Variants in DDX10 observed in about 807,000 individuals in gnomAD.
DDX10 encodes the protein DEAD-box helicase 10.
Under a neutral mutation model 104.3 loss-of-function variants are expected in DDX10, and 74 were observed. That is an observed-to-expected ratio of 0.71 (90% CI 0.59 to 0.86). The LOEUF (loss-of-function observed/expected upper bound fraction) is 0.86. DDX10 is among the 40% of genes least tolerant of loss of function. The pLI is 0.00. For synonymous variants in DDX10, 351 were observed against 353.4 expected, an observed-to-expected ratio of 0.99 and a Z score of 0.08; for missense variants, 952 against 1,040.0, an observed-to-expected ratio of 0.92 and a Z score of 1.16.
chr11:108,769,623 A>G (rs1565272867), intron 13 of DDX10, among the ~76,000 whole-genome samples: 1 of 151,964 alleles, frequency 6.6e-6, no homozygotes, highest in African/African-American at 2.4e-5. Flanking sequence ...GGTTGTTTCC[A>G]TTTTTTTGTA....
At chr11:108,823,397 T>C (rs1188893970) in intron 13 of DDX10, among the ~76,000 whole-genome samples, 2 of 152,200 alleles carry the variant, frequency 1.3e-5, no homozygotes, top group South Asian at 2.1e-4. Flanking sequence ...ATACAGCCCA[T>C]GTATGTATTG....
At chr11:108,823,983 T>C (rs1311154330) in intron 13 of DDX10, among the ~76,000 whole-genome samples, 3 of 152,138 alleles carry the variant, frequency 2.0e-5, no homozygotes, top group African/African-American at 4.8e-5. Flanking sequence ...ATCGCTGAGA[T>C]ACTCCCCTAA....
At chr11:108,869,031 T>C (rs1449472543) in intron 16 of DDX10, among the ~76,000 whole-genome samples, 9 of 150,342 alleles carry the variant, frequency 6.0e-5, no homozygotes, top group African/African-American at 2.2e-4. Context: ...TAAACTCTCC[T>C]TTTTGAAAGT....
intron 16 of DDX10, among the ~76,000 whole-genome samples, chr11:108,911,618 C>G (rs1015770325): frequency 8.0e-6 from 1 of 124,616 alleles, no homozygotes; most frequent in Non-Finnish European, 1.6e-5. Context: ...CACCCACTGG[C>G]GTGCAGTGGC....
rs1467119987 is a variant in DDX10, at chr11:108,813,064, A to C, written c.1966-25382A>C. ...TAAATTGGTACAGAATTCATGATGC[A>C]TGTTTTTGAAAACAGAAACAAATAC... On this transcript the variant is annotated intron_variant, in intron 13 of 17. Coordinates refer to ENST00000322536, the MANE Select transcript of DDX10 (RefSeq NM_004398.4). Among the ~76,000 whole-genome samples, 4 of 151,970 alleles carry C rather than the reference A, an allele frequency of 2.6e-5. 1 individual carries two copies. The South Asian group carries it at 8.3e-4, about 32-fold the overall frequency.
intron 13 of DDX10, among the ~76,000 whole-genome samples, chr11:108,783,736 A>G (rs754096176): frequency 1.4e-4 from 21 of 152,240 alleles, no homozygotes; most frequent in South Asian, 1.0e-3. Context: ...ACATGGCTGT[A>G]TTGCATGTCT....
intron 9 of DDX10, among the ~76,000 whole-genome samples, chr11:108,698,230 G>A (rs1001430958): frequency 6.6e-6 from 1 of 152,202 alleles, no homozygotes; most frequent in South Asian, 2.1e-4. Flanking sequence ...TTTTTTAATA[G>A]TGTCTTTAAT....
At position 108,703,129 on chromosome 11, in the gene DDX10, G is replaced by A. The variant is rs58264538; in HGVS notation, c.1224-3610G>A. Among the ~76,000 whole-genome samples, 466 of 152,166 alleles carry A rather than the reference G, an allele frequency of 3.1e-3. 21 individuals are homozygous for A. The East Asian group carries it at 0.077, about 25-fold the overall frequency. ...TTCTTGAAAAATGCTGAGAGTGGATGTTAAATGTTCTCACCACAAAAATGA... is the reference window on the plus strand; with the variant it reads ...TTCTTGAAAAATGCTGAGAGTGGATATTAAATGTTCTCACCACAAAAATGA... On this transcript the variant is annotated intron_variant, in intron 9 of 17. Coordinates refer to ENST00000322536, the MANE Select transcript of DDX10 (RefSeq NM_004398.4).
At chr11:108,719,685 C>T (rs776722586) in intron 11 of DDX10, 112 bp from the exon 12 acceptor site, 42 of 601,548 alleles carry the variant, frequency 7.0e-5, no homozygotes, top group Middle Eastern at 8.2e-4. Flanking sequence ...TGAACTATTT[C>T]GTGGTTTTTC....
chr11:108,863,173 T>C (rs1862962659), intron 16 of DDX10, among the ~76,000 whole-genome samples: 1 of 152,232 alleles, frequency 6.6e-6, no homozygotes, highest in Non-Finnish European at 1.5e-5. Flanking sequence ...GTACCTGGAC[T>C]GTGTCTGGTC....
intron 16 of DDX10, among the ~76,000 whole-genome samples, chr11:108,900,756 C>G (rs1377389230): frequency 6.6e-6 from 1 of 152,086 alleles, no homozygotes; most frequent in Non-Finnish European, 1.5e-5. Context: ...GGAATTGTAC[C>G]TGGTTGGGAG....
At chr11:108,714,905 T>G (rs1455283739) in intron 10 of DDX10, among the ~76,000 whole-genome samples, 7 of 151,800 alleles carry the variant, frequency 4.6e-5, no homozygotes, top group African/African-American at 1.4e-4. Flanking sequence ...TAACTTTTCT[T>G]TTGTATATTT....
chr11:108,706,338 C>T (rs1032751858), intron 9 of DDX10, among the ~76,000 whole-genome samples: 5 of 151,142 alleles, frequency 3.3e-5, no homozygotes, highest in African/African-American at 4.8e-5. Context: ...AATAAAATCC[C>T]CAGGAAGAGG....
At chr11:108,666,754 G>A (rs757349374) in intron 1 of DDX10, among the ~76,000 whole-genome samples, 4 of 152,274 alleles carry the variant, frequency 2.6e-5, no homozygotes, top group East Asian at 1.9e-4. Flanking sequence ...TTACGATTGC[G>A]TTTAGGGCCT....
At chr11:108,817,816 A>C (rs767886897) in intron 13 of DDX10, among the ~76,000 whole-genome samples, 11 of 152,184 alleles carry the variant, frequency 7.2e-5, no homozygotes, top group South Asian at 2.1e-4. Flanking sequence ...CTGATGGGAA[A>C]CTTAATATGC....
At chr11:108,680,545 T>A (rs1565244534) in intron 6 of DDX10, among the ~76,000 whole-genome samples, 2 of 152,234 alleles carry the variant, frequency 1.3e-5, no homozygotes, top group Non-Finnish European at 2.9e-5. Context: ...TGTATTTTCA[T>A]ATGACAATTA....
chr11:108,845,077 G>T (rs956123127), intron 15 of DDX10, among the ~76,000 whole-genome samples: 1 of 151,938 alleles, frequency 6.6e-6, no homozygotes, highest in Non-Finnish European at 1.5e-5. Context: ...TCGTGATGGC[G>T]GGCGCCTGTA....
chr11:108,939,217 TC>T (rs2134681823), intron 17 of DDX10, among the ~76,000 whole-genome samples: 1 of 152,330 alleles, frequency 6.6e-6, no homozygotes, highest in African/African-American at 2.4e-5. Context: ...TTTCCACAGT[TC>T]CTGGCATTTA....
At chr11:108,745,126 C>T (rs2094330070) in intron 13 of DDX10, among the ~76,000 whole-genome samples, 1 of 115,326 alleles carries the variant, frequency 8.7e-6, no homozygotes, top group African/African-American at 3.5e-5. Context: ...CCTTCCTCTT[C>T]CCCTTCTCCC....
Sources: gnomAD v4.1 joint callset for allele counts (sites outside exome capture counted in the v4.1 genomes callset) on GRCh38, gnomAD v4.1.1 for gene constraint, MANE v1.5 for transcripts, NCBI Gene and HGNC (gene_info 2026-07-23, HGNC 2026-07-21) for gene names.